The following ALK variants were observed in gnomAD, a reference collection of about 807,000 sequenced individuals.
ALK encodes the protein ALK tyrosine kinase receptor.
A neutral mutation model predicts 163.1 loss-of-function variants in ALK; 74 were observed. The observed-to-expected ratio is 0.45, with a 90% CI of 0.38 to 0.55. The LOEUF (loss-of-function observed/expected upper bound fraction) is 0.55, where lower values mean the gene tolerates loss of function less well. ALK is among the 20% of genes least tolerant of loss of function. The pLI is 0.00. For synonymous variants in ALK, 960 were observed against 843.2 expected (o/e 1.14, Z -2.40); for missense variants, 2,063 against 2,105.3 (o/e 0.98, Z 0.39).
At chr2:29,804,335 A>G (rs973946102) in intron 1 of ALK, among the ~76,000 whole-genome samples, 17 of 152,212 alleles carry the variant, frequency 1.1e-4, no homozygotes, top group Non-Finnish European at 2.2e-4. Flanking sequence ...CTCCCAACTA[A>G]TGAGACTTTA....
chr2:29,888,251 T>G (rs1406272816), intron 1 of ALK, among the ~76,000 whole-genome samples: 9 of 77,564 alleles, frequency 1.2e-4, no homozygotes, highest in Admixed American at 9.7e-4. Flanking sequence ...AAATTGTTTT[T>G]TTTTTTTTTT....
intron 4 of ALK, among the ~76,000 whole-genome samples, chr2:29,392,025 G>C (rs202143693): frequency 2.3e-5 from 3 of 128,760 alleles, no homozygotes; most frequent in African/African-American, 8.7e-5. Flanking sequence ...AGCGGATGCT[G>C]TTGTTATTAT....
At chr2:29,650,834 A>G (rs758857426) in intron 3 of ALK, among the ~76,000 whole-genome samples, 1 of 152,108 alleles carries the variant, frequency 6.6e-6, no homozygotes, top group Non-Finnish European at 1.5e-5. Context: ...GAGCATTGCA[A>G]TAGGGCTACT....
chr2:29,452,576 A>G (rs1670850026), intron 4 of ALK, among the ~76,000 whole-genome samples: 1 of 152,192 alleles, frequency 6.6e-6, no homozygotes, highest in African/African-American at 2.4e-5. Flanking sequence ...AATAAAATCA[A>G]TGGAGGAAAG....
intron 1 of ALK, among the ~76,000 whole-genome samples, chr2:29,874,399 G>A (rs1666653187): frequency 6.6e-6 from 1 of 152,140 alleles, no homozygotes; most frequent in Non-Finnish European, 1.5e-5. Context: ...TATCAGATAA[G>A]CCAGATCAGA....
chr2:29,859,431 C>A (rs550778198), intron 1 of ALK, among the ~76,000 whole-genome samples: 1 of 152,202 alleles, frequency 6.6e-6, no homozygotes, highest in African/African-American at 2.4e-5. Context: ...CTGCTGAGAA[C>A]AAACCATGCT....
intron 3 of ALK, among the ~76,000 whole-genome samples, chr2:29,559,834 G>A (rs997547649): frequency 1.4e-5 from 2 of 144,926 alleles, no homozygotes; most frequent in African/African-American, 5.0e-5. Context: ...ACTTGGCTTG[G>A]GATTCTAGAT....
chr2:29,288,596 G>A (rs1665924121), intron 9 of ALK, among the ~76,000 whole-genome samples: 1 of 152,162 alleles, frequency 6.6e-6, no homozygotes, highest in Non-Finnish European at 1.5e-5. Flanking sequence ...GAGATTCATG[G>A]AAAAAATTTT....
chr2:29,867,942 C>A (rs1361123879), intron 1 of ALK, among the ~76,000 whole-genome samples: 1 of 152,142 alleles, frequency 6.6e-6, no homozygotes, highest in African/African-American at 2.4e-5. Flanking sequence ...CAGCAGTGAC[C>A]TCATTTCCAT....
chr2:29,618,377 C>T lies in ALK; in HGVS notation c.952+76473G>A, dbSNP rs565120076. Among the ~76,000 whole-genome samples, 5 of 151,940 alleles carry T rather than the reference C, an allele frequency of 3.3e-5. No individual in the cohort carries two copies. In the East Asian group the frequency reaches 7.7e-4, roughly 23 times the overall value. The stretch of plus-strand genomic sequence containing the variant: ...CAATTTTAATTTAAGATCTAAAACT[C>T]GGTGCTACCTTCAAGTTGTCATCAG... On this transcript the variant is annotated intron_variant, in intron 3 of 28. Coordinates refer to ENST00000389048, the MANE Select transcript of ALK (RefSeq NM_004304.5).
At chr2:29,795,032 T>A (rs1201692614) in intron 1 of ALK, among the ~76,000 whole-genome samples, 1 of 152,178 alleles carries the variant, frequency 6.6e-6, no homozygotes, top group Non-Finnish European at 1.5e-5. Flanking sequence ...TACAACTGCA[T>A]ACAAATATTG....
At chr2:29,708,696 T>C (rs1678984568) in intron 2 of ALK, among the ~76,000 whole-genome samples, 1 of 152,166 alleles carries the variant, frequency 6.6e-6, no homozygotes. Context: ...AATGAACCCT[T>C]GCCTCTATGG....
chr2:29,229,479 T>C (rs1664126800), intron 15 of ALK, among the ~76,000 whole-genome samples: 2 of 152,186 alleles, frequency 1.3e-5, no homozygotes, highest in South Asian at 4.1e-4. Context: ...CCTCCCGTCC[T>C]AACGAGAAAA....
intron 3 of ALK, among the ~76,000 whole-genome samples, chr2:29,587,917 T>C (rs1185384796): frequency 6.6e-6 from 1 of 152,240 alleles, no homozygotes; most frequent in Admixed American, 6.5e-5. Flanking sequence ...CTGTAGCATG[T>C]GGAAGGCCAA....
chr2:29,828,250 G>A (rs2148384087), intron 1 of ALK, among the ~76,000 whole-genome samples: 1 of 152,240 alleles, frequency 6.6e-6, no homozygotes, highest in African/African-American at 2.4e-5. Context: ...TCAGGACATA[G>A]GCATGGGCAA....
intron 8 of ALK, among the ~76,000 whole-genome samples, chr2:29,303,775 T>C (rs757924663): frequency 2.0e-5 from 3 of 152,168 alleles, no homozygotes; most frequent in Admixed American, 1.3e-4. Context: ...AGTGAGTTAA[T>C]GTAGAAACAG....
chr2:29,209,419 G>A (rs1272550775), intron 25 of ALK, among the ~76,000 whole-genome samples: 3 of 151,842 alleles, frequency 2.0e-5, no homozygotes, highest in East Asian at 1.9e-4. Flanking sequence ...GTGCATGCCT[G>A]TAATCCCAGC....
chr2:29,488,112 C>T (rs1671821609), intron 4 of ALK, among the ~76,000 whole-genome samples: 1 of 152,132 alleles, frequency 6.6e-6, no homozygotes, highest in Admixed American at 6.5e-5. Context: ...CTGGGTTCAT[C>T]TCATATGCAG....
At chr2:29,289,429 C>A (rs565544773) in intron 9 of ALK, among the ~76,000 whole-genome samples, 15 of 152,332 alleles carry the variant, frequency 9.8e-5, no homozygotes, top group African/African-American at 3.6e-4. Flanking sequence ...ATAATTGCCT[C>A]TGAGACCACC....
Sources: allele counts gnomAD v4.1 joint callset (sites outside exome capture counted in the v4.1 genomes callset), GRCh38; gene constraint gnomAD v4.1.1; transcripts MANE v1.5; gene names NCBI Gene and HGNC (gene_info 2026-07-23, HGNC 2026-07-21).